PRKCH: variants seen among roughly 807,000 people sequenced by gnomAD.
The protein encoded by PRKCH is protein kinase C eta type.
Under a neutral mutation model 82.5 loss-of-function variants are expected in PRKCH, and 28 were observed. The observed-to-expected ratio is 0.34, with a 90% CI of 0.25 to 0.47. The LOEUF is 0.47. PRKCH is among the 20% of genes least tolerant of loss of function. The pLI, the probability that PRKCH is intolerant of heterozygous loss-of-function variation, is 1.00. For missense variants in PRKCH, 705 were observed against 881.8 expected (o/e 0.80, Z 2.54); for synonymous variants, 322 against 327.4 (o/e 0.98, Z 0.18).
chr14:61,442,421 A>G (rs1884019520), intron 2 of PRKCH: 1 of 152,208 alleles, frequency 6.6e-6, no homozygotes, highest in Non-Finnish European at 1.5e-5. Context: ...TTGCGAGGAT[A>G]CCAGAATTAA....
chr14:61,327,596 G>T (rs2045715191), intron 1 of PRKCH, among the ~76,000 whole-genome samples: 1 of 152,140 alleles, frequency 6.6e-6, no homozygotes, highest in Admixed American at 6.5e-5. Context: ...TTCCCCTTTG[G>T]AGAGCATTTT....
intron 1 of PRKCH, among the ~76,000 whole-genome samples, chr14:61,323,984 T>G (rs2045663188): frequency 6.6e-6 from 1 of 152,216 alleles, no homozygotes; most frequent in Non-Finnish European, 1.5e-5. Flanking sequence ...TTCCTGGAGA[T>G]AGCCTAGACT....
intron 1 of PRKCH, among the ~76,000 whole-genome samples, chr14:61,268,145 A>T (rs1454647976): frequency 1.3e-5 from 2 of 152,186 alleles, no homozygotes; most frequent in African/African-American, 2.4e-5. Context: ...GTACTGCACA[A>T]TGACAGCTAC....
At chr14:61,488,015 A>T (rs1013354862) in intron 10 of PRKCH, among the ~76,000 whole-genome samples, 1 of 151,994 alleles carries the variant, frequency 6.6e-6, no homozygotes, top group Non-Finnish European at 1.5e-5. Flanking sequence ...TAGCCGGGCA[A>T]GGTGGCGGGT....
chr14:61,238,512 G>A (rs1481066268), intron 1 of PRKCH, among the ~76,000 whole-genome samples: 1 of 152,150 alleles, frequency 6.6e-6, no homozygotes, highest in East Asian at 1.9e-4. Context: ...ACCAGCTGGG[G>A]CTCCTGTTGG....
chr14:61,210,790 C>CTCTCTCTCTG (rs1351869252), intron 1 of PRKCH, among the ~76,000 whole-genome samples: 2 of 138,986 alleles, frequency 1.4e-5, no homozygotes, highest in Non-Finnish European at 1.5e-5. Context: ...CTCTCTCTCT[C>CTCTCTCTCTG]TGTGTGTGTG....
intron 2 of PRKCH, among the ~76,000 whole-genome samples, chr14:61,407,848 T>G (rs949251762): frequency 6.6e-5 from 10 of 152,234 alleles, no homozygotes; most frequent in Admixed American, 1.3e-4. Context: ...GCCCATGGGC[T>G]GAAATCAGCC....
chr14:61,204,471 C>T (rs919908515), intron 1 of PRKCH, among the ~76,000 whole-genome samples: 2 of 151,994 alleles, frequency 1.3e-5, no homozygotes, highest in South Asian at 4.2e-4. Flanking sequence ...AAATGGTCAA[C>T]AGGCCAGGTG....
intron 4 of PRKCH, among the ~76,000 whole-genome samples, chr14:61,446,589 A>T (rs905561151): frequency 3.3e-5 from 5 of 152,252 alleles, no homozygotes; most frequent in African/African-American, 1.2e-4. Context: ...ATACTCTTGG[A>T]TCTAATTTTG....
intron 1 of PRKCH, among the ~76,000 whole-genome samples, chr14:61,384,900 G>T (rs1328330360): frequency 6.6e-6 from 1 of 152,090 alleles, no homozygotes; most frequent in Non-Finnish European, 1.5e-5. Context: ...GTAAATTTAG[G>T]TGTAAGTTAC....
intron 2 of PRKCH, among the ~76,000 whole-genome samples, chr14:61,411,919 G>C (rs1033115067): frequency 6.6e-6 from 1 of 152,210 alleles, no homozygotes; most frequent in African/African-American, 2.4e-5. Context: ...AACCAGACTG[G>C]AAAACTTCAA....
At chr14:61,419,478 G>A (rs940458881) in intron 2 of PRKCH, among the ~76,000 whole-genome samples, 2 of 152,144 alleles carry the variant, frequency 1.3e-5, no homozygotes, top group Admixed American at 6.5e-5. Context: ...GACATAAGTG[G>A]CACCCACATT....
rs1491304992 is a variant in PRKCH, at chr14:61,529,005, T to TGTGTGTGTGTGTGC, written c.1434-69_1434-68insTGTGTGTGTGTGCG. 438 of 1,460,504 alleles carry TGTGTGTGTGTGTGC rather than the reference T, an allele frequency of 3.0e-4. 6 individuals are homozygous for TGTGTGTGTGTGTGC. The African/African-American group carries it at 4.7e-3, about 16-fold the overall frequency. The allele number at this position is 1,460,504 out of a possible 1,614,324, so 90.5% of individuals were successfully genotyped here. A position where few individuals can be genotyped will look rare whatever the true frequency, so the allele number is the denominator to read the frequency against. On this transcript the variant is annotated intron_variant, in intron 10 of 13. Transcript: ENST00000332981. ...GTGTGTGTGTGTGTGTGTGTGTGTG[T>TGTGTGTGTGTGTGC]GCCCATTCTGAGAGGTGGATGGTTT...
At chr14:61,205,613 C>T (rs913251522) in intron 1 of PRKCH, among the ~76,000 whole-genome samples, 2 of 152,192 alleles carry the variant, frequency 1.3e-5, no homozygotes, top group African/African-American at 2.4e-5. Context: ...TTCCCACCTC[C>T]TCTTCCCACC....
At chr14:61,549,385 G>A (rs769710198) in intron 13 of PRKCH, among the ~76,000 whole-genome samples, 9 of 152,200 alleles carry the variant, frequency 5.9e-5, no homozygotes, top group Non-Finnish European at 1.3e-4. Flanking sequence ...GAGAATAAAG[G>A]GTGAGTGAGC....
At chr14:61,351,928 A>G (rs868416283) in intron 1 of PRKCH, among the ~76,000 whole-genome samples, 2 of 152,168 alleles carry the variant, frequency 1.3e-5, no homozygotes, top group Admixed American at 1.3e-4. Context: ...AGACTTTTAT[A>G]TTAACAACTC....
chr14:61,435,469 C>A (rs575804478), intron 2 of PRKCH, among the ~76,000 whole-genome samples: 49 of 152,094 alleles, frequency 3.2e-4, no homozygotes, highest in Admixed American at 2.4e-3. Context: ...TTCAGCCCAA[C>A]AAATGCCAAG....
intron 10 of PRKCH, among the ~76,000 whole-genome samples, chr14:61,499,765 AC>A: frequency 2.2e-5 from 1 of 45,508 alleles, no homozygotes; most frequent in Admixed American, 1.9e-4. Context: ...GCAAAGAGGA[AC>A]TTATACTTCC....
chr14:61,340,184 G>A (rs557287255), intron 1 of PRKCH, among the ~76,000 whole-genome samples: 7 of 151,942 alleles, frequency 4.6e-5, no homozygotes, highest in African/African-American at 7.3e-5. Context: ...AGGAGACTGC[G>A]CTGGCGAAGC....
Sources: allele counts gnomAD v4.1 joint callset (sites outside exome capture counted in the v4.1 genomes callset), GRCh38; gene constraint gnomAD v4.1.1; transcripts MANE v1.5; gene names NCBI Gene and HGNC (gene_info 2026-07-23, HGNC 2026-07-21).